PYROXD2: variants seen among roughly 807,000 people sequenced by gnomAD.
PYROXD2 encodes the protein pyridine nucleotide-disulphide oxidoreductase domain 2, also known as pyridine nucleotide-disulfide oxidoreductase domain-containing protein 2.
Under a neutral mutation model 71.1 loss-of-function variants are expected in PYROXD2, and 69 were observed. That is an observed-to-expected ratio of 0.97 (90% CI 0.80 to 1.19). The LOEUF (loss-of-function observed/expected upper bound fraction) is 1.19, where lower values mean the gene tolerates loss of function less well. PYROXD2 is among the 50% of genes most tolerant of loss of function. PYROXD2 has a pLI of 0.00. For missense variants in PYROXD2, 745 were observed against 748.9 expected (o/e 0.99, Z 0.06); for synonymous variants, 287 against 302.7 (o/e 0.95, Z 0.54).
chr10:98,396,248 T>A (rs1030113260), intron 6 of PYROXD2, among the ~76,000 whole-genome samples: 1 of 152,144 alleles, frequency 6.6e-6, no homozygotes, highest in Non-Finnish European at 1.5e-5. Context: ...AACCCAGAAC[T>A]GAAACAGGCC....
intron 5 of PYROXD2, among the ~76,000 whole-genome samples, chr10:98,398,276 C>T (rs1217071885): frequency 1.3e-5 from 2 of 152,194 alleles, no homozygotes; most frequent in Non-Finnish European, 2.9e-5. Context: ...GCCGTCTCAT[C>T]ACCTGCAGTC....
intron 4 of PYROXD2, among the ~76,000 whole-genome samples, chr10:98,406,258 G>GT (rs895349097): frequency 4.7e-4 from 71 of 152,316 alleles, no homozygotes; most frequent in Middle Eastern, 3.4e-3. Flanking sequence ...AATAAGTAAC[G>GT]TTTTTTAAAG....
Position 98,392,924 on chromosome 10 carries a change from G to C in PYROXD2, c.927+18C>G. 6.2e-7 allele frequency: 1 copy of C among 1,611,200 alleles called. No homozygotes were observed. Among genetic ancestry groups the C allele is most frequent in the Non-Finnish European group, 8.5e-7 (1 of 1,178,268 alleles). ...GGATCCTTACTAATAATTGGGGTGG[G>C]GTAGAGGGGCCGTTCACCTTTTCAG... On this transcript the variant is annotated intron_variant, in intron 9 of 15. Coordinates refer to ENST00000370575, the MANE Select transcript of PYROXD2 (RefSeq NM_032709.3).
chr10:98,390,977 G>C (rs758234251), intron 11 of PYROXD2, 33 bp downstream of exon 11: 1 of 1,561,500 alleles, frequency 6.4e-7, no homozygotes, highest in African/African-American at 1.4e-5. Flanking sequence ...ATGGGTCAAA[G>C]GAGACAGTGC....
intron 4 of PYROXD2, 134 bp downstream of exon 4, chr10:98,407,448 A>G: frequency 9.3e-7 from 1 of 1,070,722 alleles, no homozygotes. Context: ...CGTGGGATAC[A>G]CAAGACTTGG....
In PYROXD2 at chr10:98,392,426, C is replaced by G; in HGVS notation, c.1062+6G>C. On this transcript the variant is annotated splice_donor_region_variant and intron_variant, in intron 10 of 15. Coordinates refer to ENST00000370575, the MANE Select transcript of PYROXD2 (RefSeq NM_032709.3). ...CTAAGCTCCACCCTCCTGCCCACAG[C>G]CTCACCTGTGGCGTCAGCTTCAGGA... The G allele has an allele frequency of 6.2e-7, 1 of 1,613,024 alleles. No homozygotes were observed.
intron 14 of PYROXD2, among the ~76,000 whole-genome samples, chr10:98,385,300 G>A (rs1223128360): frequency 2.6e-5 from 4 of 152,238 alleles, no homozygotes; most frequent in Non-Finnish European, 5.9e-5. Flanking sequence ...TGGGGAACAC[G>A]AACTGAACGG....
intron 15 of PYROXD2, among the ~76,000 whole-genome samples, chr10:98,384,407 C>T (rs980423784): frequency 2.0e-5 from 3 of 152,130 alleles, no homozygotes; most frequent in Admixed American, 6.5e-5. Flanking sequence ...CACTTCAGCG[C>T]GGGAGTTCGA....
chr10:98,388,897 CTT>C (rs1842852921), intron 12 of PYROXD2, among the ~76,000 whole-genome samples: 1 of 152,108 alleles, frequency 6.6e-6, no homozygotes, highest in Non-Finnish European at 1.5e-5. Context: ...GCCTGACTGT[CTT>C]TTCCAGAGCA....
chr10:98,406,416 GA>G (rs1385032464), intron 4 of PYROXD2, among the ~76,000 whole-genome samples: 1 of 152,154 alleles, frequency 6.6e-6, no homozygotes, highest in Non-Finnish European at 1.5e-5. Flanking sequence ...GTCTGCTCTG[GA>G]CTGGAGACCA....
intron 4 of PYROXD2, among the ~76,000 whole-genome samples, chr10:98,403,412 A>G (rs982712635): frequency 6.6e-6 from 1 of 152,200 alleles, no homozygotes; most frequent in African/African-American, 2.4e-5. Context: ...CTCACCAGCC[A>G]GCAGGTGGGC....
intron 2 of PYROXD2, 76 bp downstream of exon 2, chr10:98,410,863 T>C (rs1843760865): frequency 6.4e-7 from 1 of 1,550,770 alleles, no homozygotes; most frequent in Non-Finnish European, 8.7e-7. Context: ...CACCTGCTTC[T>C]TCACACTCCT....
Position 98,407,803 on chromosome 10 carries a change from G to A in PYROXD2, c.241+101C>T, listed in dbSNP as rs12768262. The A allele has an allele frequency of 6.0e-6, 7 of 1,164,044 alleles. No individual in the cohort carries two copies. In the Admixed American group the frequency reaches 1.0e-4, roughly 17 times the overall value. 72.1% of individuals were successfully genotyped at this position (1,164,044 alleles called of 1,614,324 possible). A position where few individuals can be genotyped will look rare whatever the true frequency, so the allele number is the denominator to read the frequency against. On this transcript the variant is annotated intron_variant, in intron 3 of 15. Coordinates refer to ENST00000370575, the MANE Select transcript of PYROXD2 (RefSeq NM_032709.3). Reference sequence around the variant, plus strand: ...TCAGCAGGGATGGAGACCGTCACCCGGGGTCAGCAGGGATGGAGACCGTCA... The same window carrying A: ...TCAGCAGGGATGGAGACCGTCACCCAGGGTCAGCAGGGATGGAGACCGTCA...
chr10:98,384,977 G>C lies in PYROXD2; in HGVS notation c.1645C>G (p.Leu549Val). The change falls in exon 15 of 16, where the codon CTG becomes GTG. Residue 549 changes from leucine (L) to valine (V), a missense_variant. Coordinates refer to ENST00000370575, the MANE Select transcript of PYROXD2 (RefSeq NM_032709.3). ...TGAGCCCCACTTCCACAGAGATACA[G>C]GCCCTGGAGAGGGCAGCGGTAGCCA... ...HSGYRCPLQG[L>V]YLCGSGAHPG... The C allele has an allele frequency of 6.2e-7, 1 of 1,613,746 alleles. No individual in the cohort carries two copies.
chr10:98,395,298 A>G lies in PYROXD2; in HGVS notation c.688-5T>C. 2.5e-6 allele frequency: 4 copies of G among 1,614,164 alleles called. No individual in the cohort carries two copies. The highest frequency in any genetic ancestry group is 2.2e-5 in the South Asian group (2 of 91,084). ...CTCGAACCACTGATCCAGCACCTGG[A>G]CAGCACAACAGCAGAGAGAAGGGCT... On this transcript the variant is annotated splice_region_variant and splice_polypyrimidine_tract_variant and intron_variant, in intron 7 of 15. Transcript: ENST00000370575.
intron 4 of PYROXD2, among the ~76,000 whole-genome samples, chr10:98,402,438 C>G (rs1481441732): frequency 2.0e-5 from 3 of 152,218 alleles, no homozygotes; most frequent in South Asian, 2.1e-4. Flanking sequence ...AAATTATTCA[C>G]ATCAGAACAT....
intron 12 of PYROXD2, among the ~76,000 whole-genome samples, chr10:98,389,458 A>G (rs140613817): frequency 9.7e-4 from 147 of 152,246 alleles, no homozygotes; most frequent in African/African-American, 3.3e-3. Context: ...TTTTTAAAGC[A>G]TAAGGCAGGC....
At chr10:98,392,370 C>G (rs1842973304) in intron 10 of PYROXD2, 62 bp downstream of exon 10, 1 of 1,581,782 alleles carries the variant, frequency 6.3e-7, no homozygotes, top group East Asian at 2.2e-5. Flanking sequence ...CCTCAATCCC[C>G]ACGATTTCTA....
chr10:98,390,940 C>T, intron 11 of PYROXD2, 70 bp downstream of exon 11: 1 of 1,388,974 alleles, frequency 7.2e-7, no homozygotes, highest in Non-Finnish European at 1.0e-6. Context: ...AGTTCAGCTG[C>T]CCCCAGCCTG....
Sources: allele counts gnomAD v4.1 joint callset (sites outside exome capture counted in the v4.1 genomes callset), GRCh38; gene constraint gnomAD v4.1.1; transcripts MANE v1.5; gene names NCBI Gene and HGNC (gene_info 2026-07-23, HGNC 2026-07-21).